The following FAM20A variants were observed in gnomAD, a reference collection of about 807,000 sequenced individuals.
FAM20A encodes the protein FAM20A golgi associated secretory pathway pseudokinase.
Under a neutral mutation model 52.0 loss-of-function variants are expected in FAM20A, and 42 were observed. The ratio of observed to expected loss-of-function variants is 0.81; its 90% CI spans 0.63 to 1.04. The LOEUF (loss-of-function observed/expected upper bound fraction) is 1.04, where lower values mean the gene tolerates loss of function less well. FAM20A is among the 50% of genes least tolerant of loss of function. The pLI is 0.00. For synonymous variants in FAM20A, 304 were observed against 298.9 expected (o/e 1.02, Z -0.18); for missense variants, 742 against 712.7 (o/e 1.04, Z -0.47).
Position 68,573,456 on chromosome 17 carries a change from CTTCTTTCT to C in FAM20A, c.405-17721_405-17714del, listed in dbSNP as rs67622633. On this transcript the variant is annotated intron_variant, in intron 1 of 10. Coordinates refer to ENST00000592554, the MANE Select transcript of FAM20A (RefSeq NM_017565.4). Reference sequence around the variant, plus strand: ...TTTCTCTTTCTTTCTTTCTTTCTTTCTTCTTTCTTTCTTTCTTTCTCTTTCTTTCTTTC... The same window carrying C: ...TTTCTCTTTCTTTCTTTCTTTCTTTCTTCTTTCTTTCTCTTTCTTTCTTTC... Among the ~76,000 whole-genome samples, 1,005 of 109,462 alleles carry C rather than the reference CTTCTTTCT, an allele frequency of 9.2e-3. 9 individuals are homozygous for C. Among genetic ancestry groups the C allele is most frequent in the African/African-American group, 0.031 (927 of 30,282 alleles). 71.8% of individuals were successfully genotyped at this position (109,462 alleles called of 152,430 possible).
At chr17:68,563,254 C>T (rs2087269532) in intron 1 of FAM20A, among the ~76,000 whole-genome samples, 1 of 151,966 alleles carries the variant, frequency 6.6e-6, no homozygotes. Context: ...GGTGTGGTGG[C>T]AGGCGCCTGT....
Position 68,540,412 on chromosome 17 carries a change from C to T in FAM20A, c.1219+437G>A, listed in dbSNP as rs1353752897. 2.0e-5 allele frequency: 9 copies of T among 455,360 alleles called. 1 individual carries two copies. The highest frequency in any genetic ancestry group is 9.5e-5 in the Admixed American group (4 of 41,934). The allele number at this position is 455,360 out of a possible 1,614,324, so 28.2% of individuals were successfully genotyped here. On this transcript the variant is annotated intron_variant, in intron 8 of 10. Coordinates refer to ENST00000592554, the MANE Select transcript of FAM20A (RefSeq NM_017565.4). ...GCTTCCGACCTAAGCTCCTGTATGA[C>T]GGCCACCTTCATAAGTGTCTCGTCT...
intron 1 of FAM20A, among the ~76,000 whole-genome samples, chr17:68,572,717 TTC>T (rs1171236743): frequency 6.6e-6 from 1 of 152,198 alleles, no homozygotes; most frequent in Non-Finnish European, 1.5e-5. Flanking sequence ...GAAGAATTGT[TTC>T]TGTTTTCTTT....
chr17:68,581,492 C>CTTTCTT (rs1568775041), intron 1 of FAM20A, among the ~76,000 whole-genome samples: 15 of 80,950 alleles, frequency 1.9e-4, no homozygotes, highest in African/African-American at 5.9e-4. Flanking sequence ...CTTTCTTTTT[C>CTTTCTT]TTTCTTTCTT....
chr17:68,538,174 A>G (rs1440149030), intron 10 of FAM20A, among the ~76,000 whole-genome samples: 1 of 152,148 alleles, frequency 6.6e-6, no homozygotes, highest in African/African-American at 2.4e-5. Context: ...TGCTAACTTT[A>G]TTTCTGTTTG....
intron 4 of FAM20A, among the ~76,000 whole-genome samples, chr17:68,549,508 AAGTT>A (rs889877204): frequency 3.9e-5 from 6 of 152,002 alleles, no homozygotes; most frequent in East Asian, 1.9e-4. Context: ...AAAAAAAAAA[AAGTT>A]AGAGACATCC....
At chr17:68,594,385 C>T (rs1225467613) in intron 1 of FAM20A, among the ~76,000 whole-genome samples, 2 of 147,818 alleles carry the variant, frequency 1.4e-5, no homozygotes, top group Admixed American at 6.7e-5. Context: ...GGCGACAGAG[C>T]GAGACTCCGT....
intron 4 of FAM20A, among the ~76,000 whole-genome samples, chr17:68,550,034 C>T (rs2086759181): frequency 6.6e-6 from 1 of 152,058 alleles, no homozygotes; most frequent in Non-Finnish European, 1.5e-5. Context: ...CTTGACTTTG[C>T]GCTGGTTTTA....
chr17:68,598,874 G>A lies in FAM20A; in HGVS notation c.404+1389C>T, dbSNP rs145906909. ...GTAGACATATAGATACTTTTTCTAA[G>A]GGCAAAATTTCCTGGTTCACTAAGC... On this transcript the variant is annotated intron_variant, in intron 1 of 10. Coordinates refer to ENST00000592554, the MANE Select transcript of FAM20A (RefSeq NM_017565.4). Among the ~76,000 whole-genome samples the A allele has an allele frequency of 3.4e-3, 511 of 152,210 alleles. 16 individuals carry two copies. Among genetic ancestry groups the A allele is most frequent in the Admixed American group, 0.031 (479 of 15,300 alleles).
chr17:68,576,183 C>G (rs957051410), intron 1 of FAM20A, among the ~76,000 whole-genome samples: 2 of 152,284 alleles, frequency 1.3e-5, no homozygotes, highest in Middle Eastern at 3.4e-3. Flanking sequence ...CTCAAGCACT[C>G]TTTGCTTCAA....
chr17:68,537,829 G>A lies in FAM20A; in HGVS notation c.1362-88C>T. On this transcript the variant is annotated intron_variant, in intron 10 of 10. Transcript: ENST00000592554. The surrounding 1 kb of genome is among the most constrained non-coding windows in gnomAD (Gnocchi z 4.2). ...TCTTTCCCCACAAACAGCTGTTGTAGCTGATACTCTTGGCGCCTCTCCTTG... is the reference window on the plus strand; with the variant it reads ...TCTTTCCCCACAAACAGCTGTTGTAACTGATACTCTTGGCGCCTCTCCTTG... 1 of 1,427,302 alleles carries A rather than the reference G, an allele frequency of 7.0e-7. No individual in the cohort carries two copies. Among genetic ancestry groups the A allele is most frequent in the Non-Finnish European group, 9.6e-7 (1 of 1,040,592 alleles). The allele number at this position is 1,427,302 out of a possible 1,614,324, so 88.4% of individuals were successfully genotyped here.
At chr17:68,561,087 C>T (rs1302132665) in intron 1 of FAM20A, among the ~76,000 whole-genome samples, 1 of 152,066 alleles carries the variant, frequency 6.6e-6, no homozygotes, top group East Asian at 1.9e-4. Flanking sequence ...TGTTGTCAAT[C>T]TTTTGACTTC....
intron 1 of FAM20A, among the ~76,000 whole-genome samples, chr17:68,570,177 G>A (rs1034650115): frequency 6.6e-6 from 1 of 152,194 alleles, no homozygotes; most frequent in African/African-American, 2.4e-5. Flanking sequence ...CCAGGTTCAG[G>A]TGATTCTCCT....
intron 3 of FAM20A, among the ~76,000 whole-genome samples, chr17:68,553,925 T>C (rs530812116): frequency 1.5e-5 from 2 of 136,318 alleles, no homozygotes; most frequent in South Asian, 4.2e-4. Flanking sequence ...TACACACATA[T>C]ATGCATATAT....
At chr17:68,541,070 G>T (rs550086035) in intron 7 of FAM20A, 112 bp from the exon 8 acceptor site, 2 of 1,497,466 alleles carry the variant, frequency 1.3e-6, no homozygotes, top group East Asian at 2.5e-5. Context: ...TCCTGCCCTG[G>T]GCTGGTGGCA....
chr17:68,555,641 G>A lies in FAM20A; in HGVS notation c.507C>T (p.Asn169=), dbSNP rs765339036. 1.2e-6 allele frequency: 2 copies of A among 1,613,822 alleles called. No homozygotes were observed. The highest frequency in any genetic ancestry group is 1.7e-6 in the Non-Finnish European group (2 of 1,180,034). ...ASWVQFHLGI[N]RHGLYSRSSP... is the part of the protein sequence containing the mutation. Reference sequence around the variant, plus strand: ...TGGACCGGGAGTAGAGCCCATGGCGGTTAATACCCAGGTGGAACTGGACCC... The same window carrying A: ...TGGACCGGGAGTAGAGCCCATGGCGATTAATACCCAGGTGGAACTGGACCC... Residue 169 remains asparagine, a synonymous_variant, in exon 2 of 11, where the codon AAC becomes AAT. Transcript: ENST00000592554.
chr17:68,540,819 T>C, intron 8 of FAM20A, 30 bp downstream of exon 8: 2 of 1,571,480 alleles, frequency 1.3e-6, no homozygotes, highest in Non-Finnish European at 1.7e-6. Flanking sequence ...AGAGCCCACT[T>C]CTGCTGGGGG....
chr17:68,541,087 A>G (rs2086269076), intron 7 of FAM20A, 129 bp from the exon 8 acceptor site: 3 of 1,413,204 alleles, frequency 2.1e-6, no homozygotes, highest in Admixed American at 2.1e-5. Flanking sequence ...GGCAGCTTCT[A>G]AAATTCAGAA....
At chr17:68,549,802 A>T (rs2086749612) in intron 4 of FAM20A, among the ~76,000 whole-genome samples, 1 of 152,148 alleles carries the variant, frequency 6.6e-6, no homozygotes, top group Non-Finnish European at 1.5e-5. Flanking sequence ...TCACATGTCT[A>T]CTTGTGGAAC....
Sources: allele counts gnomAD v4.1 joint callset (sites outside exome capture counted in the v4.1 genomes callset), GRCh38; gene constraint gnomAD v4.1.1; non-coding constraint Gnocchi (gnomAD v3.1); transcripts MANE v1.5; gene names NCBI Gene and HGNC (gene_info 2026-07-23, HGNC 2026-07-21).